The following CSMD1 variants were observed in gnomAD, a reference collection of about 807,000 sequenced individuals.
CSMD1 encodes the protein CUB and sushi domain-containing protein 1.
A neutral mutation model predicts 417.5 loss-of-function variants in CSMD1; 213 were observed. The observed-to-expected ratio is 0.51, with a 90% CI of 0.46 to 0.57. The LOEUF is 0.57. CSMD1 is among the 20% of genes least tolerant of loss of function. The pLI, the probability that CSMD1 is intolerant of heterozygous loss-of-function variation, is 0.00. For missense variants in CSMD1, 6,923 were observed against 4,529.7 expected, an observed-to-expected ratio of 1.53 and a Z score of -15.17; for synonymous variants, 2,862 against 1,736.8, an observed-to-expected ratio of 1.65 and a Z score of -16.11.
chr8:4,422,567 C>G (rs1028248712), intron 2 of CSMD1, among the ~76,000 whole-genome samples: 8 of 152,014 alleles, frequency 5.3e-5, no homozygotes, highest in African/African-American at 1.7e-4. Flanking sequence ...AGGAAGAGAG[C>G]CCTCACCAGG....
At chr8:4,275,874 T>C (rs533799321) in intron 3 of CSMD1, among the ~76,000 whole-genome samples, 1 of 152,316 alleles carries the variant, frequency 6.6e-6, no homozygotes, top group Non-Finnish European at 1.5e-5. Flanking sequence ...TGAATTATAA[T>C]TGGATGAACA....
chr8:4,429,589 G>A (rs1284889503), intron 2 of CSMD1, among the ~76,000 whole-genome samples: 1 of 152,106 alleles, frequency 6.6e-6, no homozygotes, highest in Non-Finnish European at 1.5e-5. Flanking sequence ...GATTTAGGAG[G>A]CAAAGAAAGT....
intron 1 of CSMD1, among the ~76,000 whole-genome samples, chr8:4,808,257 A>T (rs1798700977): frequency 1.3e-5 from 2 of 152,176 alleles, no homozygotes; most frequent in Non-Finnish European, 2.9e-5. Flanking sequence ...TGATCAGAGC[A>T]TTTACTACAG....
chr8:3,497,806 C>A (rs1444771513), intron 10 of CSMD1, among the ~76,000 whole-genome samples: 2 of 152,186 alleles, frequency 1.3e-5, no homozygotes, highest in Admixed American at 1.3e-4. Flanking sequence ...TTCTCATTCT[C>A]TTCTTGGTTA....
At chr8:3,188,064 G>GTA (rs970450736) in intron 35 of CSMD1, 99 bp from the exon 36 acceptor site, 164 of 512,178 alleles carry the variant, frequency 3.2e-4, no homozygotes, top group East Asian at 1.7e-3. Flanking sequence ...AGGTGTATAT[G>GTA]TATATATATA....
chr8:3,075,918 G>T (rs886959055), intron 49 of CSMD1, among the ~76,000 whole-genome samples: 1 of 151,582 alleles, frequency 6.6e-6, no homozygotes, highest in African/African-American at 2.4e-5. Flanking sequence ...GGGCGTGGTG[G>T]CGGGCGCCTG....
intron 5 of CSMD1, among the ~76,000 whole-genome samples, chr8:3,854,920 T>C (rs901037307): frequency 6.6e-6 from 1 of 152,094 alleles, no homozygotes. Context: ...ATTTCTAACA[T>C]GTAACAATGT....
At chr8:4,009,298 T>C (rs1585125017) in intron 4 of CSMD1, among the ~76,000 whole-genome samples, 1 of 152,372 alleles carries the variant, frequency 6.6e-6, no homozygotes, top group Admixed American at 6.5e-5. Context: ...TCTAGAATTT[T>C]TGTGCCCCTT....
At chr8:4,387,328 G>T (rs1009743324) in intron 3 of CSMD1, among the ~76,000 whole-genome samples, 1 of 151,770 alleles carries the variant, frequency 6.6e-6, no homozygotes, top group African/African-American at 2.4e-5. Flanking sequence ...ACAATTTACC[G>T]TAAGTGACAA....
chr8:4,134,723 C>CAA (rs1197267888), intron 3 of CSMD1, among the ~76,000 whole-genome samples: 1 of 152,192 alleles, frequency 6.6e-6, no homozygotes, highest in Non-Finnish European at 1.5e-5. Context: ...CCTCTTACTA[C>CAA]AAGAGTCTCC....
Position 3,157,984 on chromosome 8 carries a change from A to T in CSMD1, c.5845-18T>A. 6 of 1,544,526 alleles carry T rather than the reference A, an allele frequency of 3.9e-6. No homozygotes were observed. Among genetic ancestry groups the T allele is most frequent in the Non-Finnish European group, 4.4e-6 (5 of 1,140,446 alleles). ...GAACGGCCCTGTTTAAAAGAAAACA[A>T]AAGAAAATACATATAACTAAAAACA... On this transcript the variant is annotated intron_variant, in intron 38 of 69. Coordinates refer to ENST00000635120, the MANE Select transcript of CSMD1 (RefSeq NM_033225.6).
intron 6 of CSMD1, among the ~76,000 whole-genome samples, chr8:3,713,293 G>C (rs757477954): frequency 2.0e-4 from 30 of 152,274 alleles, no homozygotes; most frequent in African/African-American, 6.5e-4. Context: ...ACTTTCTGTA[G>C]GTTGTTTGAA....
intron 46 of CSMD1, among the ~76,000 whole-genome samples, chr8:3,099,160 C>T (rs1815555393): frequency 6.6e-6 from 1 of 152,104 alleles, no homozygotes; most frequent in African/African-American, 2.4e-5. Context: ...CAGCAGACTT[C>T]ACTCATCAGA....
intron 5 of CSMD1, among the ~76,000 whole-genome samples, chr8:3,934,182 C>G (rs1404106846): frequency 1.3e-5 from 2 of 152,144 alleles, no homozygotes; most frequent in African/African-American, 4.8e-5. Flanking sequence ...AGAATCTCGG[C>G]TAAACCATGA....
chr8:3,731,371 C>G (rs1162572418), intron 6 of CSMD1, among the ~76,000 whole-genome samples: 1 of 152,128 alleles, frequency 6.6e-6, no homozygotes, highest in Non-Finnish European at 1.5e-5. Context: ...GAAGTTCAGG[C>G]TAATACAGGG....
intron 68 of CSMD1, 136 bp from the exon 69 acceptor site, chr8:2,942,740 T>A: frequency 3.1e-6 from 2 of 637,818 alleles, no homozygotes; most frequent in Non-Finnish European, 5.0e-6. Context: ...CCAAATGATA[T>A]TCTTTTCTAA....
chr8:3,021,632 C>A (rs1809402749), intron 51 of CSMD1, among the ~76,000 whole-genome samples: 2 of 152,194 alleles, frequency 1.3e-5, no homozygotes, highest in Non-Finnish European at 2.9e-5. Context: ...ATCCGGAAAT[C>A]ACCTGCAATC....
intron 10 of CSMD1, among the ~76,000 whole-genome samples, chr8:3,533,584 G>C (rs142959589): frequency 3.3e-5 from 5 of 152,248 alleles, no homozygotes; most frequent in Admixed American, 6.5e-5. Context: ...TGTTGAATGA[G>C]AATCTCAGGG....
intron 3 of CSMD1, among the ~76,000 whole-genome samples, chr8:4,116,250 T>G (rs866213480): frequency 5.9e-5 from 9 of 151,922 alleles, no homozygotes; most frequent in Admixed American, 3.9e-4. Context: ...AGCCTCAGCC[T>G]CCCACAGTGC....
Sources: gnomAD v4.1 joint callset for allele counts (sites outside exome capture counted in the v4.1 genomes callset) on GRCh38, gnomAD v4.1.1 for gene constraint, MANE v1.5 for transcripts, NCBI Gene and HGNC (gene_info 2026-07-23, HGNC 2026-07-21) for gene names.